NEBL: variants seen among roughly 807,000 people sequenced by gnomAD.
The protein encoded by NEBL is nebulette.
A neutral mutation model predicts 140.2 loss-of-function variants in NEBL; 122 were observed. The observed-to-expected ratio is 0.87, with a 90% confidence interval of 0.75 to 1.01. The LOEUF is 1.01. Ranked by LOEUF, NEBL falls within the 50% of genes least tolerant of loss-of-function variation. The pLI, the probability that NEBL is intolerant of heterozygous loss-of-function variation, is 0.00. For missense variants in NEBL, 1,365 were observed against 1,231.3 expected, an observed-to-expected ratio of 1.11 and a Z score of -1.62; for synonymous variants, 436 against 398.9, an observed-to-expected ratio of 1.09 and a Z score of -1.11.
At chr10:20,954,479 G>A (rs1341957189) in intron 4 of NEBL, among the ~76,000 whole-genome samples, 1 of 152,178 alleles carries the variant, frequency 6.6e-6, no homozygotes, top group Non-Finnish European at 1.5e-5. Flanking sequence ...AGGGAAAGAT[G>A]GTGTTGCAGG....
chr10:20,986,695 C>T (rs1837270389), intron 3 of NEBL, among the ~76,000 whole-genome samples: 1 of 152,176 alleles, frequency 6.6e-6, no homozygotes, highest in Non-Finnish European at 1.5e-5. Flanking sequence ...ATGAACAAGT[C>T]ATTCTCATTT....
intron 1 of NEBL, among the ~76,000 whole-genome samples, chr10:21,288,358 C>T (rs1213903863): frequency 6.6e-6 from 1 of 152,048 alleles, no homozygotes; most frequent in Non-Finnish European, 1.5e-5. Context: ...GTCCCAGCTA[C>T]TTGGGAGGCT....
chr10:20,837,634 A>T (rs138877807), intron 13 of NEBL, among the ~76,000 whole-genome samples: 1 of 152,222 alleles, frequency 6.6e-6, no homozygotes, highest in Non-Finnish European at 1.5e-5. Flanking sequence ...TTTTTGATGC[A>T]GACAAACCAG....
At chr10:20,812,739 C>CACA in intron 24 of NEBL, 30 bp downstream of exon 24, 1 of 1,613,048 alleles carries the variant, frequency 6.2e-7, no homozygotes, top group Non-Finnish European at 8.5e-7. Context: ...TTCGACCACA[C>CACA]ACACCGGCCG....
At chr10:20,859,072 A>C (rs1353585906) in intron 8 of NEBL, among the ~76,000 whole-genome samples, 4 of 152,152 alleles carry the variant, frequency 2.6e-5, no homozygotes, top group Admixed American at 2.6e-4. Context: ...GATCAATAAT[A>C]CATAATTTTT....
chr10:20,808,493 C>A lies in NEBL; in HGVS notation c.2761+17G>T. 3 of 1,612,948 alleles carry A rather than the reference C, an allele frequency of 1.9e-6. No homozygotes were observed. Among genetic ancestry groups the A allele is most frequent in the Non-Finnish European group, 2.5e-6 (3 of 1,179,104 alleles). ...AAAATGAATCGATTTTCTTTGTAAG[C>A]AGTGAATGTTTGATACCTCCTTCAT... is the stretch of plus-strand genomic sequence containing the variant. On this transcript the variant is annotated intron_variant, in intron 26 of 27. Coordinates refer to ENST00000377122, the MANE Select transcript of NEBL (RefSeq NM_006393.3).
intron 1 of NEBL, among the ~76,000 whole-genome samples, chr10:21,254,908 T>C (rs973561301): frequency 6.8e-6 from 1 of 147,736 alleles, no homozygotes; most frequent in Admixed American, 6.7e-5. Context: ...GACCAGGCAA[T>C]GTCCCAAGCT....
chr10:21,278,368 C>G (rs1229953484), intron 1 of NEBL, among the ~76,000 whole-genome samples: 1 of 152,194 alleles, frequency 6.6e-6, no homozygotes, highest in Non-Finnish European at 1.5e-5. Context: ...CACTTGAGCC[C>G]AGGACGTCGA....
intron 2 of NEBL, 126 bp downstream of exon 2, chr10:20,896,832 T>G (rs890427938): frequency 1.5e-5 from 13 of 876,460 alleles, no homozygotes; most frequent in East Asian, 2.4e-5. Flanking sequence ...CTTTGTTCCA[T>G]GATCTGGAAA....
intron 2 of NEBL, among the ~76,000 whole-genome samples, chr10:21,078,548 AAC>A (rs980586647): frequency 6.6e-6 from 1 of 152,164 alleles, no homozygotes; most frequent in Non-Finnish European, 1.5e-5. Context: ...CTTGAATCCC[AAC>A]ACACACAGCC....
At chr10:21,272,700 T>C (rs1842874412) in intron 1 of NEBL, among the ~76,000 whole-genome samples, 1 of 152,208 alleles carries the variant, frequency 6.6e-6, no homozygotes, top group Non-Finnish European at 1.5e-5. Context: ...CATCTGTAAA[T>C]TGAGTATATT....
At chr10:21,150,254 C>A (rs1249722918) in intron 2 of NEBL, among the ~76,000 whole-genome samples, 2 of 152,172 alleles carry the variant, frequency 1.3e-5, no homozygotes, top group African/African-American at 2.4e-5. Context: ...CTTTTTTAAA[C>A]TAAGGATTTA....
chr10:20,851,421 A>G (rs1842500593), intron 10 of NEBL, among the ~76,000 whole-genome samples: 1 of 152,164 alleles, frequency 6.6e-6, no homozygotes, highest in Admixed American at 6.5e-5. Context: ...TGTTGCAAAG[A>G]GTATGATAGA....
intron 2 of NEBL, among the ~76,000 whole-genome samples, chr10:21,068,102 G>T (rs1835650871): frequency 6.6e-6 from 1 of 152,152 alleles, no homozygotes; most frequent in Non-Finnish European, 1.5e-5. Context: ...TACTAGGTGG[G>T]AAAAAAGGCT....
chr10:20,883,089 T>C (rs1424116766), intron 4 of NEBL, among the ~76,000 whole-genome samples: 2 of 152,190 alleles, frequency 1.3e-5, no homozygotes, highest in East Asian at 3.9e-4. Flanking sequence ...AATTTATCAA[T>C]CTCTTTCTTA....
chr10:20,927,048 G>C (rs2131520892), intron 4 of NEBL, among the ~76,000 whole-genome samples: 1 of 152,332 alleles, frequency 6.6e-6, no homozygotes, highest in East Asian at 1.9e-4. Context: ...AGGATGGGAG[G>C]AACTGGAGAG....
intron 10 of NEBL, 80 bp downstream of exon 10, chr10:20,852,465 G>T (rs773273410): frequency 2.3e-6 from 2 of 872,916 alleles, no homozygotes; most frequent in Non-Finnish European, 3.9e-6. Context: ...CAGTTAAGAC[G>T]CACGGCAGTG....
chr10:20,798,110 CAA>C (rs11453441), intron 26 of NEBL, among the ~76,000 whole-genome samples: 11,305 of 126,312 alleles, frequency 0.09, 471 homozygotes, highest in Admixed American at 0.12. Flanking sequence ...TTTCTAATTA[CAA>C]AAAAAAAAAA....
intron 2 of NEBL, among the ~76,000 whole-genome samples, chr10:21,045,217 G>C (rs1834455984): frequency 6.6e-6 from 1 of 152,216 alleles, no homozygotes; most frequent in South Asian, 2.1e-4. Flanking sequence ...AAATACTAAA[G>C]TAAATTAATA....
Sources: allele counts gnomAD v4.1 joint callset (sites outside exome capture counted in the v4.1 genomes callset), GRCh38; gene constraint gnomAD v4.1.1; transcripts MANE v1.5; gene names NCBI Gene and HGNC (gene_info 2026-07-23, HGNC 2026-07-21).